Variants in RUNX3 observed in about 807,000 individuals in gnomAD.
RUNX3 encodes the protein RUNX family transcription factor 3.
A neutral mutation model predicts 27.7 loss-of-function variants in RUNX3; 10 were observed. The observed-to-expected ratio is 0.36, with a 90% CI of 0.22 to 0.61. RUNX3 has a LOEUF of 0.61. Ranked by LOEUF, RUNX3 falls within the 20% of genes least tolerant of loss-of-function variation. The pLI, the probability that RUNX3 is intolerant of heterozygous loss-of-function variation, is 0.72. For missense variants in RUNX3, 469 were observed against 629.5 expected (o/e 0.75, Z 2.73); for synonymous variants, 270 against 269.2 (o/e 1.00, Z -0.03).
Position 24,929,999 on chromosome 1 carries a change from A to C in RUNX3, c.-131T>G. On this transcript the variant is annotated 5_prime_UTR_variant, in exon 1 of 5. Coordinates refer to ENST00000308873, the MANE Select transcript of RUNX3 (RefSeq NM_004350.3). ...GCAGAAGCGGCGGGGCCCGGGCCTC[A>C]GGGCGCAGGGGGCGGCGCCCGGCCA... The C allele has an allele frequency of 8.8e-7, 1 of 1,140,580 alleles. No individual in the cohort carries two copies. The highest frequency in any genetic ancestry group is 1.1e-6 in the Non-Finnish European group (1 of 931,632). The allele number at this position is 1,140,580 out of a possible 1,614,324, so 70.7% of individuals were successfully genotyped here.
intron 3 of RUNX3, among the ~76,000 whole-genome samples, chr1:24,914,617 G>A (rs1027471280): frequency 6.6e-6 from 1 of 152,154 alleles, no homozygotes; most frequent in African/African-American, 2.4e-5. Flanking sequence ...GGTTGATTAG[G>A]AGAACCCAGG....
chr1:24,956,318 A>G (rs1032354342), intron 2 of RUNX3, among the ~76,000 whole-genome samples: 3 of 152,248 alleles, frequency 2.0e-5, no homozygotes, highest in African/African-American at 7.2e-5. Flanking sequence ...ATTTACAAGT[A>G]TTAAAAGTTT....
chr1:24,944,353 C>A lies in RUNX3; in HGVS notation c.59-14501G>T, dbSNP rs148577002. On this transcript the variant is annotated intron_variant, in intron 2 of 6. Coordinates refer to the RUNX3 transcript ENST00000338888. ...CTGTGCTGCCCTTTACCTGGAAAACCCTTCCCATTCTGTCTGCCTGGCTCA... is the reference window on the plus strand; with the variant it reads ...CTGTGCTGCCCTTTACCTGGAAAACACTTCCCATTCTGTCTGCCTGGCTCA... 5.8e-3 allele frequency among the ~76,000 whole-genome samples: 878 copies of A among 152,298 alleles called. 11 individuals are homozygous for A. Among genetic ancestry groups the A allele is most frequent in the African/African-American group, 0.02 (842 of 41,564 alleles).
At chr1:24,910,950 C>T (rs1213019803) in intron 3 of RUNX3, among the ~76,000 whole-genome samples, 1 of 152,124 alleles carries the variant, frequency 6.6e-6, no homozygotes, top group Non-Finnish European at 1.5e-5. Context: ...GGGCCTGGAG[C>T]GGATGGGGAG....
At chr1:24,929,510 C>T (rs1376825647) in intron 1 of RUNX3, 77 bp downstream of exon 1, 1 of 1,426,092 alleles carries the variant, frequency 7.0e-7, no homozygotes, top group East Asian at 2.5e-5. Context: ...CCCACTGCTC[C>T]CGAGGCTCTG....
rs1351813735 is a variant in RUNX3, at chr1:24,901,949, G to C, written c.*173C>G. 1.6e-6 allele frequency: 1 copy of C among 634,124 alleles called. No homozygotes were observed. The allele number at this position is 634,124 out of a possible 1,614,324, so 39.3% of individuals were successfully genotyped here. A position where few individuals can be genotyped will look rare whatever the true frequency, so the allele number is the denominator to read the frequency against. ...GGTGGTAACCTATGCCTCTGTACAAGGATGTGGCTGCACAGATGCAGCCAG... is the reference window on the plus strand; with the variant it reads ...GGTGGTAACCTATGCCTCTGTACAACGATGTGGCTGCACAGATGCAGCCAG... On this transcript the variant is annotated 3_prime_UTR_variant, in exon 5 of 5. Coordinates refer to ENST00000308873, the MANE Select transcript of RUNX3 (RefSeq NM_004350.3).
chr1:24,942,402 A>G (rs1641500123), intron 2 of RUNX3, among the ~76,000 whole-genome samples: 1 of 152,228 alleles, frequency 6.6e-6, no homozygotes, highest in African/African-American at 2.4e-5. Context: ...GCACGCCAAT[A>G]TTTGATAGTG....
intron 2 of RUNX3, among the ~76,000 whole-genome samples, chr1:24,951,008 C>A (rs573994949): frequency 6.6e-6 from 1 of 152,000 alleles, no homozygotes; most frequent in African/African-American, 2.4e-5. Context: ...GAGATTGAGA[C>A]CCTCCTGGAT....
intron 2 of RUNX3, among the ~76,000 whole-genome samples, chr1:24,954,881 G>A (rs573530043): frequency 3.9e-4 from 60 of 152,230 alleles, no homozygotes; most frequent in Non-Finnish European, 7.5e-4. Flanking sequence ...TCAGAGAACC[G>A]CCCTGTGCAT....
chr1:24,957,199 C>T (rs925586870), intron 2 of RUNX3, among the ~76,000 whole-genome samples: 1 of 152,254 alleles, frequency 6.6e-6, no homozygotes, highest in Non-Finnish European at 1.5e-5. Flanking sequence ...AACCTTCACG[C>T]TGCCTGCACC....
intron 2 of RUNX3, among the ~76,000 whole-genome samples, chr1:24,947,959 G>C (rs901499278): frequency 1.3e-5 from 2 of 152,202 alleles, no homozygotes; most frequent in African/African-American, 4.8e-5. Flanking sequence ...ACCTGGGGAG[G>C]CCCCACCTTC....
At chr1:24,964,135 C>T (rs1316907732) in intron 2 of RUNX3, among the ~76,000 whole-genome samples, 1 of 152,212 alleles carries the variant, frequency 6.6e-6, no homozygotes, top group Non-Finnish European at 1.5e-5. Flanking sequence ...CTCCTGAGCC[C>T]AGGTGGGGAG....
rs958051438 is a variant in RUNX3 at position 24,930,012 on chromosome 1, C to A, written c.-144G>T. The stretch of plus-strand genomic sequence containing the variant: ...GGCCCGGGCCTCAGGGCGCAGGGGG[C>A]GGCGCCCGGCCACTACTCGCCAGGG... On this transcript the variant is annotated 5_prime_UTR_variant, in exon 1 of 5. Coordinates refer to ENST00000308873, the MANE Select transcript of RUNX3 (RefSeq NM_004350.3). This position sits in a 1 kb window ranked among gnomAD's most constrained non-coding sequence, Gnocchi z 4.1. 1 of 1,114,332 alleles carries A rather than the reference C, an allele frequency of 9.0e-7. No homozygotes were observed. The highest frequency in any genetic ancestry group is 1.7e-5 in the African/African-American group (1 of 59,752). The allele number at this position is 1,114,332 out of a possible 1,614,324, so 69.0% of individuals were successfully genotyped here. A position where few individuals can be genotyped will look rare whatever the true frequency, so the allele number is the denominator to read the frequency against.
Position 24,905,605 on chromosome 1 carries a change from G to A in RUNX3, c.703+1654C>T, listed in dbSNP as rs140030389. 3.1e-3 allele frequency among the ~76,000 whole-genome samples: 477 copies of A among 152,356 alleles called. 1 individual carries two copies. The highest frequency in any genetic ancestry group is 0.01 in the African/African-American group (435 of 41,570). ...GATGGAAGCAGCAGCTGTGCCTGCC[G>A]TGGGGCCAGGCATTGATTCCCAAGC... On this transcript the variant is annotated intron_variant, in intron 4 of 4. Transcript: ENST00000308873.
At chr1:24,936,399 A>G (rs1641351020) in intron 2 of RUNX3, among the ~76,000 whole-genome samples, 2 of 152,182 alleles carry the variant, frequency 1.3e-5, no homozygotes, top group African/African-American at 4.8e-5. Context: ...GCTGCCCACT[A>G]CACTCTACTC....
At chr1:24,963,940 C>G (rs1642185817) in intron 2 of RUNX3, among the ~76,000 whole-genome samples, 1 of 152,204 alleles carries the variant, frequency 6.6e-6, no homozygotes, top group Non-Finnish European at 1.5e-5. Context: ...CGAGGTCTGT[C>G]CCCCTGCCCC....
chr1:24,916,291 A>T lies in RUNX3; in HGVS notation c.544+2949T>A, dbSNP rs1057130925. ...GGCCAGGCCCCGGTAAACTCAGTCA[A>T]CCTTCACAGCGACTCCCCTAGGCAG... On this transcript the variant is annotated intron_variant, in intron 3 of 4. Coordinates refer to ENST00000308873, the MANE Select transcript of RUNX3 (RefSeq NM_004350.3). The surrounding 1 kb of genome is among the most constrained non-coding windows in gnomAD (Gnocchi z 4.8). Among the ~76,000 whole-genome samples the T allele has an allele frequency of 6.6e-6, 1 of 152,150 alleles. No homozygotes were observed. Among genetic ancestry groups the T allele is most frequent in the African/African-American group, 2.4e-5 (1 of 41,422 alleles).
In RUNX3 at chr1:24,899,875, A is replaced by G. The variant is rs1421789650; in HGVS notation, c.*2247T>C. Reference sequence around the variant, plus strand: ...AACGCAGCCTTGTAAATAAGGACCTACTTTTACCAGCCCAGGCTGTCTGTA... The same window carrying G: ...AACGCAGCCTTGTAAATAAGGACCTGCTTTTACCAGCCCAGGCTGTCTGTA... On this transcript the variant is annotated 3_prime_UTR_variant, in exon 5 of 5. Coordinates refer to ENST00000308873, the MANE Select transcript of RUNX3 (RefSeq NM_004350.3). The G allele has an allele frequency of 6.6e-6, 1 of 152,356 alleles. No individual in the cohort carries two copies. Among genetic ancestry groups the G allele is most frequent in the Admixed American group, 6.5e-5 (1 of 15,282 alleles). 9.4% of individuals were successfully genotyped at this position (152,356 alleles called of 1,614,324 possible).
At chr1:24,914,652 C>T (rs971617012) in intron 3 of RUNX3, among the ~76,000 whole-genome samples, 6 of 152,184 alleles carry the variant, frequency 3.9e-5, no homozygotes, top group Non-Finnish European at 8.8e-5. Flanking sequence ...CCCCTTCCCT[C>T]CTGCTGGGCA....
Sources: allele counts gnomAD v4.1 joint callset (sites outside exome capture counted in the v4.1 genomes callset), GRCh38; gene constraint gnomAD v4.1.1; non-coding constraint Gnocchi (gnomAD v3.1); transcripts MANE v1.5; gene names NCBI Gene and HGNC (gene_info 2026-07-23, HGNC 2026-07-21).